The following NTAQ1 variants were observed in gnomAD, a reference collection of about 807,000 sequenced individuals.
The protein encoded by NTAQ1 is protein N-terminal glutamine amidohydrolase.
In NTAQ1, 21 loss-of-function variants were observed where a neutral mutation model predicts 28.2. That is an observed-to-expected ratio of 0.74 (90% CI 0.53 to 1.07). The LOEUF (loss-of-function observed/expected upper bound fraction) is 1.07, where lower values mean the gene tolerates loss of function less well. NTAQ1 is among the 50% of genes least tolerant of loss of function. The probability of loss-of-function intolerance (pLI) is 0.00; values close to 1 mark genes in which losing one functional copy is unlikely to be tolerated. For missense variants in NTAQ1, 264 were observed against 256.6 expected (o/e 1.03, Z -0.20); for synonymous variants, 105 against 90.0 (o/e 1.17, Z -0.94).
intron 2 of NTAQ1, among the ~76,000 whole-genome samples, chr8:123,428,425 T>G (rs1420471318): frequency 6.6e-6 from 1 of 152,162 alleles, no homozygotes; most frequent in Non-Finnish European, 1.5e-5. Flanking sequence ...CTCGAACTCC[T>G]GGCCTCAAGT....
chr8:123,436,643 G>A (rs1470575913), intron 4 of NTAQ1, 42 bp downstream of exon 4: 2 of 1,583,052 alleles, frequency 1.3e-6, no homozygotes, highest in Non-Finnish European at 1.7e-6. Flanking sequence ...TCTGAAGTAA[G>A]AATTTGACGA....
chr8:123,454,129 T>C (rs569740955), intron 6 of NTAQ1, among the ~76,000 whole-genome samples: 2 of 152,336 alleles, frequency 1.3e-5, no homozygotes, highest in South Asian at 4.1e-4. Context: ...TCAATAAATG[T>C]CAAACTTGTT....
At chr8:123,417,946 A>G (rs1469363067) in intron 1 of NTAQ1, among the ~76,000 whole-genome samples, 1 of 152,164 alleles carries the variant, frequency 6.6e-6, no homozygotes, top group African/African-American at 2.4e-5. Context: ...AAGTTCATGC[A>G]TCTTAACTAC....
chr8:123,418,469 A>G (rs1813452336), intron 1 of NTAQ1, among the ~76,000 whole-genome samples: 1 of 151,966 alleles, frequency 6.6e-6, no homozygotes, highest in Non-Finnish European at 1.5e-5. Flanking sequence ...AAAAATAAAA[A>G]GCCAAAAAAA....
intron 2 of NTAQ1, among the ~76,000 whole-genome samples, 191 bp from the exon 3 acceptor site, chr8:123,429,792 A>G (rs2130235226): frequency 6.7e-6 from 1 of 148,354 alleles, no homozygotes; most frequent in South Asian, 2.1e-4. Flanking sequence ...AGGCAGGAGA[A>G]TTGCTTGAAC....
chr8:123,428,725 C>T (rs1431578633), intron 2 of NTAQ1, among the ~76,000 whole-genome samples: 2 of 152,036 alleles, frequency 1.3e-5, no homozygotes, highest in African/African-American at 2.4e-5. Context: ...CTCAGGCTCC[C>T]AAGTAGCTGG....
At chr8:123,419,081 G>GTTTTTTTTT (rs762479894) in intron 1 of NTAQ1, among the ~76,000 whole-genome samples, 10 of 119,920 alleles carry the variant, frequency 8.3e-5, no homozygotes, top group African/African-American at 1.0e-4. Flanking sequence ...AGCTTTGGGG[G>GTTTTTTTTT]TTTTTTTTTT....
intron 6 of NTAQ1, among the ~76,000 whole-genome samples, chr8:123,465,417 C>T (rs1815937595): frequency 6.6e-6 from 1 of 152,064 alleles, no homozygotes; most frequent in African/African-American, 2.4e-5. Flanking sequence ...CTCCCTCATA[C>T]TAAAGCTTTG....
intron 5 of NTAQ1, among the ~76,000 whole-genome samples, chr8:123,439,638 G>C (rs1000771317): frequency 6.6e-6 from 1 of 151,906 alleles, no homozygotes; most frequent in East Asian, 2.0e-4. Flanking sequence ...GAGCCACCGC[G>C]CCGGCCACAC....
chr8:123,433,029 C>G (rs11786724), intron 3 of NTAQ1, among the ~76,000 whole-genome samples: 55,126 of 152,002 alleles, frequency 0.36, 10,110 homozygotes, highest in East Asian at 0.56. Context: ...TGCCTATAGT[C>G]CTTCTATCTT....
At chr8:123,428,526 GT>G (rs1385447353) in intron 2 of NTAQ1, among the ~76,000 whole-genome samples, 1 of 152,100 alleles carries the variant, frequency 6.6e-6, no homozygotes, top group African/African-American at 2.4e-5. Context: ...AAGGAAATAT[GT>G]GATGGTCTAC....
downstream of NTAQ1, among the ~76,000 whole-genome samples, chr8:123,442,933 A>C (rs1403534021): frequency 6.6e-6 from 1 of 151,034 alleles, no homozygotes; most frequent in Non-Finnish European, 1.5e-5. Flanking sequence ...CTCCCGAAGT[A>C]CTGGGATTAC....
intron 3 of NTAQ1, among the ~76,000 whole-genome samples, chr8:123,432,922 C>T (rs779655589): frequency 2.0e-5 from 3 of 152,098 alleles, no homozygotes; most frequent in East Asian, 1.9e-4. Flanking sequence ...TCAAGTGATC[C>T]GCCCGCCTCG....
intron 1 of NTAQ1, 54 bp downstream of exon 1, chr8:123,416,986 C>T (rs959435221): frequency 3.5e-5 from 48 of 1,385,054 alleles, no homozygotes; most frequent in Non-Finnish European, 4.4e-5. Flanking sequence ...GGCGGCGAGT[C>T]GCAACCGGGC....
At chr8:123,416,961 T>A in intron 1 of NTAQ1, 29 bp downstream of exon 1, 1 of 1,423,036 alleles carries the variant, frequency 7.0e-7, no homozygotes, top group East Asian at 3.0e-5. Flanking sequence ...AGCCTCTGGG[T>A]CTCCCAGGCT....
chr8:123,432,157 C>T (rs1563888740), intron 3 of NTAQ1, among the ~76,000 whole-genome samples: 1 of 152,162 alleles, frequency 6.6e-6, no homozygotes, highest in African/African-American at 2.4e-5. Flanking sequence ...GAGTAAAATT[C>T]GAGAACACTA....
rs1815069455 is a variant in NTAQ1 at position 123,441,518 on chromosome 8, T to C, written c.*103T>C. ...TTATGGTACAGTTGGCTTGGAATTA[T>C]GTCTTTCTCTTTTAATTTGATTGAG... is the stretch of plus-strand genomic sequence containing the variant. On this transcript the variant is annotated 3_prime_UTR_variant, in exon 6 of 6. Coordinates refer to ENST00000287387, the MANE Select transcript of NTAQ1 (RefSeq NM_018024.3). 1.4e-5 allele frequency: 12 copies of C among 859,640 alleles called. 1 individual carries two copies. The South Asian group carries it at 1.5e-4, about 11-fold the overall frequency. 53.3% of individuals were successfully genotyped at this position (859,640 alleles called of 1,614,324 possible).
intron 5 of NTAQ1, among the ~76,000 whole-genome samples, chr8:123,439,030 C>G (rs1447539851): frequency 6.6e-6 from 1 of 152,164 alleles, no homozygotes; most frequent in African/African-American, 2.4e-5. Flanking sequence ...TAGTGCATCG[C>G]AGGCATTTAG....
In NTAQ1 at chr8:123,436,483, A is replaced by G. The variant is rs750610044; in HGVS notation, c.265A>G (p.Ser89Gly). Residue 89 changes from serine to glycine, a missense_variant, in exon 4 of 6, where the codon AGT (serine) becomes GGT (glycine). Physicochemically the swap from Ser to Gly is moderately conservative, Grantham distance 56. Transcript: ENST00000287387. Reference sequence around the variant, plus strand: ...CCATGTTGTTTTGCTTCATGTTTCAAGTGGAGGACAGAACTTCATTTATGA... The same window carrying G: ...CCATGTTGTTTTGCTTCATGTTTCAGGTGGAGGACAGAACTTCATTTATGA... ...DYHVVLLHVS[S>G]GGQNFIYDLD... is the part of the protein sequence containing the mutation. The G allele has an allele frequency of 7.4e-6, 12 of 1,613,596 alleles. No homozygotes were observed. The highest frequency in any genetic ancestry group is 1.0e-5 in the Non-Finnish European group (12 of 1,179,828).
Sources: gnomAD v4.1 joint callset for allele counts (sites outside exome capture counted in the v4.1 genomes callset) on GRCh38, gnomAD v4.1.1 for gene constraint, MANE v1.5 for transcripts, NCBI Gene and HGNC (gene_info 2026-07-23, HGNC 2026-07-21) for gene names.